C2CD5: variants seen among roughly 807,000 people sequenced by gnomAD.
The protein encoded by C2CD5 is C2 calcium dependent domain containing 5.
In C2CD5, 109 loss-of-function variants were observed where a neutral mutation model predicts 130.3. The observed-to-expected ratio is 0.84, with a 90% confidence interval of 0.72 to 0.98. C2CD5 has a LOEUF of 0.98. C2CD5 is among the 50% of genes least tolerant of loss of function. The pLI is 0.00. For missense variants in C2CD5, 996 were observed against 1,261.8 expected, an observed-to-expected ratio of 0.79 and a Z score of 3.19; for synonymous variants, 454 against 429.2, an observed-to-expected ratio of 1.06 and a Z score of -0.71.
chr12:22,535,178 T>C (rs1051706732), intron 3 of C2CD5, 80 bp downstream of exon 3: 42 of 780,916 alleles, frequency 5.4e-5, no homozygotes, highest in Non-Finnish European at 8.9e-5. Context: ...ATGCCTGAAA[T>C]AAAAGGTTCT....
intron 17 of C2CD5, 76 bp downstream of exon 17, chr12:22,472,668 T>G (rs1369063622): frequency 1.2e-6 from 1 of 864,938 alleles, no homozygotes; most frequent in Non-Finnish European, 2.0e-6. Flanking sequence ...AAAGTAAAAT[T>G]AGTACTGTAA....
In C2CD5 at chr12:22,520,657, T is replaced by A. The variant is rs187421249; in HGVS notation, c.801-2520A>T. ...CAAAAAGAATTAAAAAATCCAAGAC[T>A]TAAAAATAAACAATGCTATATTTAT... On this transcript the variant is annotated intron_variant, in intron 7 of 26. Transcript: ENST00000446597. Among the ~76,000 whole-genome samples the A allele has an allele frequency of 3.1e-3, 478 of 152,192 alleles. 7 individuals are homozygous for A. The highest frequency in any genetic ancestry group is 0.011 in the African/African-American group (466 of 41,548).
At chr12:22,484,362 G>C (rs1224231942) in intron 13 of C2CD5, 1 of 186,450 alleles carries the variant, frequency 5.4e-6, no homozygotes, top group Non-Finnish European at 1.1e-5. Flanking sequence ...AAGAAAAAAA[G>C]AGAGTCAACT....
rs545072182 is a variant in C2CD5 at position 22,544,345 on chromosome 12, C to T, written c.-55G>A. The T allele has an allele frequency of 1.2e-4, 57 of 489,496 alleles. No homozygotes were observed. Among genetic ancestry groups the T allele is most frequent in the African/African-American group, 1.0e-3 (48 of 48,140 alleles). 30.3% of individuals were successfully genotyped at this position (489,496 alleles called of 1,614,324 possible). ...TGTCGCAGGAGGAAGGGTGCTGTCC[C>T]GCGCGGGTGCTGAGACCTCATTCCG... On this transcript the variant is annotated 5_prime_UTR_variant, in exon 1 of 27. Coordinates refer to ENST00000446597, the MANE Select transcript of C2CD5 (RefSeq NM_001286176.2).
rs1334451588 is a variant in C2CD5 at position 22,449,596 on chromosome 12, G to T, written c.*164C>A. ...CTAGAACAGGCAAACAAAATGTCAA[G>T]ATTAGAAAATTCTCATGCCTCCAAA... On this transcript the variant is annotated 3_prime_UTR_variant, in exon 27 of 27. Transcript: ENST00000446597. The T allele has an allele frequency of 1.7e-6, 1 of 590,360 alleles. No individual in the cohort carries two copies. The highest frequency in any genetic ancestry group is 2.9e-5 in the Admixed American group (1 of 34,144). 36.6% of individuals were successfully genotyped at this position (590,360 alleles called of 1,614,324 possible).
intron 7 of C2CD5, 70 bp from the exon 8 acceptor site, chr12:22,518,207 C>T: frequency 7.0e-7 from 1 of 1,436,704 alleles, no homozygotes; most frequent in Admixed American, 1.7e-5. Flanking sequence ...CAGCATGATC[C>T]AAACACCAGG....
At chr12:22,528,908 T>C (rs893228365) in intron 3 of C2CD5, among the ~76,000 whole-genome samples, 7 of 152,204 alleles carry the variant, frequency 4.6e-5, no homozygotes, top group African/African-American at 1.4e-4. Context: ...TGAAGATTAT[T>C]TTAAAAATTA....
At chr12:22,512,646 C>T (rs553016540) in intron 9 of C2CD5, 2 of 1,487,234 alleles carry the variant, frequency 1.3e-6, no homozygotes, top group East Asian at 5.1e-5. Flanking sequence ...CAGAAACATA[C>T]CCGCCTTCTA....
chr12:22,539,948 C>T (rs1952190224), intron 2 of C2CD5, among the ~76,000 whole-genome samples: 3 of 148,636 alleles, frequency 2.0e-5, no homozygotes, highest in Admixed American at 1.3e-4. Context: ...GCTGAGATCA[C>T]GCCATTGCAC....
chr12:22,454,184 G>A, intron 25 of C2CD5, 142 bp from the exon 26 acceptor site: 1 of 622,676 alleles, frequency 1.6e-6, no homozygotes. Context: ...CTCACAATGG[G>A]GATTTACTGC....
chr12:22,525,539 AATGTTAACTTGATTTCTCATATTTAAC>A, intron 5 of C2CD5, 44 bp downstream of exon 5: 1 of 820,082 alleles, frequency 1.2e-6, no homozygotes. Context: ...TGCCTTCTGA[AATGTTAACTTGATTTCTCATATTTAAC>A]AGTTATTACA....
At chr12:22,492,700 A>G (rs1019626459) in intron 11 of C2CD5, among the ~76,000 whole-genome samples, 3 of 152,134 alleles carry the variant, frequency 2.0e-5, no homozygotes, top group African/African-American at 7.2e-5. Context: ...GAGAAAAAGG[A>G]ATTGAGAACC....
At chr12:22,519,076 C>T in intron 7 of C2CD5, 2 of 1,520,564 alleles carry the variant, frequency 1.3e-6, no homozygotes, top group South Asian at 2.4e-5. Flanking sequence ...TGCCCGTGGC[C>T]TGCATCTCCC....
At position 22,449,796 on chromosome 12, in the gene C2CD5, G is replaced by C. The variant is rs1398682990; in HGVS notation, c.3120C>G (p.Cys1040Trp). 6.2e-7 allele frequency: 1 copy of C among 1,608,030 alleles called. No individual in the cohort carries two copies. Among genetic ancestry groups the C allele is most frequent in the African/African-American group, 1.3e-5 (1 of 74,792 alleles). The change falls in exon 27 of 27, where the codon TGC becomes TGG. Residue 1040 changes from cysteine (C) to tryptophan (W), a missense_variant. Physicochemically the swap from Cys to Trp is radical, Grantham distance 215. Around this residue, in one of 9 missense-constraint regions of C2CD5, gnomAD observed 48 missense variants for 46.4 expected, o/e 1.03. Coordinates refer to ENST00000446597, the MANE Select transcript of C2CD5 (RefSeq NM_001286176.2). ...VVSSQQPTTN[C>W]QSSCTEGEVT... is the part of the protein sequence containing the mutation. ...CTTCGCCTTCAGTACATGATGACTG[G>C]CAGTTGGTAGTAGGTTGCTGAGATG...
chr12:22,525,354 T>C (rs1950632316), intron 5 of C2CD5, among the ~76,000 whole-genome samples: 1 of 152,224 alleles, frequency 6.6e-6, no homozygotes, highest in African/African-American at 2.4e-5. Flanking sequence ...GTTCTGCTCC[T>C]TTCTTTTAGT....
At chr12:22,508,320 T>C (rs1399916058) in intron 9 of C2CD5, among the ~76,000 whole-genome samples, 1 of 152,168 alleles carries the variant, frequency 6.6e-6, no homozygotes, top group South Asian at 2.1e-4. Flanking sequence ...TGGTTAGGTA[T>C]AGCCCAGCAG....
intron 14 of C2CD5, 127 bp downstream of exon 14, chr12:22,482,430 C>T (rs375844302): frequency 2.4e-4 from 169 of 696,664 alleles, no homozygotes; most frequent in African/African-American, 2.2e-4. Context: ...AAAATGTCCT[C>T]GTCCCATAAA....
rs1404118621 is a variant in C2CD5, at chr12:22,524,609, C to G, written c.464G>C (p.Cys155Ser). Residue 155 changes from cysteine to serine, a missense_variant, in exon 6 of 27, where the codon TGC (cysteine) becomes TCC (serine). By Grantham distance (112) the Cys-to-Ser change is moderately radical. Transcript: ENST00000446597. ...KFFCTTSIPK[C>S]YRAVIIHGFV... ...TCCATGAATTATCACAGCTCTATAG[C>G]ATTTTGGAATAGACGTTGCTGTTAA... 4 of 1,612,618 alleles carry G rather than the reference C, an allele frequency of 2.5e-6. No homozygotes were observed. The African/African-American group carries it at 4.0e-5, about 16-fold the overall frequency.
chr12:22,535,055 T>G (rs1951694066), intron 3 of C2CD5: 1 of 432,488 alleles, frequency 2.3e-6, no homozygotes, highest in Admixed American at 4.2e-5. Context: ...AGACTTCTTT[T>G]GTTAATGTGT....
Sources: gnomAD v4.1 joint callset for allele counts (sites outside exome capture counted in the v4.1 genomes callset) on GRCh38, gnomAD v4.1.1 for gene constraint, gnomAD v4.1.1 regional missense constraint, MANE v1.5 for transcripts, NCBI Gene and HGNC (gene_info 2026-07-23, HGNC 2026-07-21) for gene names.